NOX4: variants seen among roughly 807,000 people sequenced by gnomAD.
NOX4 encodes NADPH oxidase 4.
A neutral mutation model predicts 87.6 loss-of-function variants in NOX4; 69 were observed. That is an observed-to-expected ratio of 0.79 (90% CI 0.65 to 0.96). The LOEUF is 0.96. Among genes scored for constraint, NOX4 ranks in the 40% least tolerant of loss-of-function variants. NOX4 has a pLI of 0.00. For synonymous variants in NOX4, 275 were observed against 238.2 expected (o/e 1.15, Z -1.42); for missense variants, 680 against 681.5 (o/e 1.00, Z 0.02).
intron 17 of NOX4, among the ~76,000 whole-genome samples, chr11:89,332,649 T>C (rs34032286): frequency 0.013 from 2,031 of 151,904 alleles, 19 homozygotes; most frequent in Middle Eastern, 0.037. Context: ...CTACCTCCCA[T>C]CTAAGGGGAA....
chr11:89,367,153 C>A lies in NOX4; in HGVS notation c.1135+6279G>T, dbSNP rs575123716. 8.5e-5 allele frequency among the ~76,000 whole-genome samples: 13 copies of A among 152,194 alleles called. No individual in the cohort carries two copies. In the South Asian group the frequency reaches 2.7e-3, roughly 32 times the overall value. ...GATTTCCACATAGACTCACAAGAGG[C>A]CAGAACTACAGTGTTTCATTATACA... On this transcript the variant is annotated intron_variant, in intron 12 of 17. Coordinates refer to ENST00000263317, the MANE Select transcript of NOX4 (RefSeq NM_016931.5).
At chr11:89,342,236 G>A (rs58561872) in intron 13 of NOX4, 43 bp from the exon 14 acceptor site, 4 of 1,574,552 alleles carry the variant, frequency 2.5e-6, no homozygotes, top group Non-Finnish European at 3.5e-6. Context: ...ATGAAAATAA[G>A]TGAAATTAAT....
the NOX4 span, chr11:89,546,775 G>T: frequency 1.3e-5 from 2 of 152,064 alleles, no homozygotes; most frequent in Non-Finnish European, 2.9e-5. Flanking sequence ...TAATTTTTTT[G>T]TAAGGAACCC....
chr11:89,327,848 G>A (rs1430048569), intron 17 of NOX4, among the ~76,000 whole-genome samples: 1 of 150,576 alleles, frequency 6.6e-6, no homozygotes, highest in Non-Finnish European at 1.5e-5. Context: ...GCCATGATGG[G>A]GTAATAGGGA....
chr11:89,368,175 T>C (rs1284672759), intron 12 of NOX4, among the ~76,000 whole-genome samples: 5 of 152,012 alleles, frequency 3.3e-5, no homozygotes, highest in African/African-American at 4.8e-5. Context: ...CTTTAACTTA[T>C]ATCTTCTTCG....
intron 2 of NOX4, among the ~76,000 whole-genome samples, chr11:89,455,719 C>CATATAT (rs60864771): frequency 2.0e-3 from 288 of 141,058 alleles, no homozygotes; most frequent in East Asian, 5.5e-3. Context: ...AAGATGAAGT[C>CATATAT]ATATATATAT....
intron 2 of NOX4, among the ~76,000 whole-genome samples, chr11:89,456,990 T>C (rs1417962397): frequency 3.3e-5 from 5 of 152,198 alleles, no homozygotes; most frequent in East Asian, 1.9e-4. Context: ...TATATGTACC[T>C]GCTTGAAGCA....
At chr11:89,569,894 C>T in the NOX4 span, among the ~76,000 whole-genome samples, 1 of 150,834 alleles carries the variant, frequency 6.6e-6, no homozygotes. Flanking sequence ...TCCAGCTACT[C>T]GGGAGGCTGA....
intron 12 of NOX4, among the ~76,000 whole-genome samples, chr11:89,370,645 T>C (rs1375128388): frequency 6.6e-6 from 1 of 152,054 alleles, no homozygotes; most frequent in Non-Finnish European, 1.5e-5. Flanking sequence ...ACTTGGGTAA[T>C]CCACTCCATC....
rs1000300603 is a variant in NOX4, at chr11:89,325,734, A to G, written c.*1022T>C. 2.6e-5 allele frequency: 4 copies of G among 152,036 alleles called. No homozygotes were observed. The highest frequency in any genetic ancestry group is 5.9e-5 in the Non-Finnish European group (4 of 68,006). The allele number at this position is 152,036 out of a possible 1,614,324, so 9.4% of individuals were successfully genotyped here. On this transcript the variant is annotated 3_prime_UTR_variant, in exon 18 of 18. Transcript: ENST00000263317. The stretch of plus-strand genomic sequence containing the variant: ...GAGATAAATCTTATATTCAGTCCCT[A>G]CTGACACACATGATGTCCTTTGGTC...
upstream of NOX4, among the ~76,000 whole-genome samples, chr11:89,501,511 G>A (rs958836809): frequency 6.6e-6 from 1 of 151,998 alleles, no homozygotes; most frequent in Non-Finnish European, 1.5e-5. Flanking sequence ...TTTTGCTGTG[G>A]TTACTCCACA....
chr11:89,437,421 T>C (rs1243861592), intron 6 of NOX4, among the ~76,000 whole-genome samples: 1 of 152,178 alleles, frequency 6.6e-6, no homozygotes, highest in Non-Finnish European at 1.5e-5. Flanking sequence ...TACTTTGCAC[T>C]GTCACCTGCT....
chr11:89,568,939 G>A, the NOX4 span, among the ~76,000 whole-genome samples: 1 of 152,152 alleles, frequency 6.6e-6, no homozygotes, highest in Admixed American at 6.5e-5. Flanking sequence ...TTAATGAATG[G>A]TGCTGGGTAA....
At chr11:89,569,301 A>G in the NOX4 span, among the ~76,000 whole-genome samples, 2 of 152,164 alleles carry the variant, frequency 1.3e-5, no homozygotes, top group Non-Finnish European at 2.9e-5. Flanking sequence ...AATATTTGCA[A>G]ACTATGCATC....
chr11:89,506,232 A>AGAAG, the NOX4 span, among the ~76,000 whole-genome samples: 2 of 150,520 alleles, frequency 1.3e-5, no homozygotes, highest in Non-Finnish European at 1.5e-5. Context: ...AGAGAAAGAA[A>AGAAG]GAAAGAGAGA....
chr11:89,402,281 A>T (rs1217146237), intron 9 of NOX4, 45 bp downstream of exon 9: 1 of 1,420,528 alleles, frequency 7.0e-7, no homozygotes, highest in South Asian at 1.1e-5. Flanking sequence ...TGATCAGTCA[A>T]ATGGAAACAA....
intron 8 of NOX4, among the ~76,000 whole-genome samples, chr11:89,405,898 T>C (rs1942150806): frequency 6.6e-6 from 1 of 152,180 alleles, no homozygotes; most frequent in South Asian, 2.1e-4. Flanking sequence ...CCTTCCTCTG[T>C]ACCAGGCCTA....
At chr11:89,529,555 C>T in the NOX4 span, among the ~76,000 whole-genome samples, 1 of 152,166 alleles carries the variant, frequency 6.6e-6, no homozygotes, top group Non-Finnish European at 1.5e-5. Context: ...AAAAGACATA[C>T]ATATGATGTT....
At chr11:89,344,934 G>A (rs1219839000) in intron 13 of NOX4, among the ~76,000 whole-genome samples, 1 of 152,098 alleles carries the variant, frequency 6.6e-6, no homozygotes, top group Non-Finnish European at 1.5e-5. Flanking sequence ...AAGCTTCCAG[G>A]ACAATTATCA....
Sources: gnomAD v4.1 joint callset for allele counts (sites outside exome capture counted in the v4.1 genomes callset) on GRCh38, gnomAD v4.1.1 for gene constraint, MANE v1.5 for transcripts, NCBI Gene and HGNC (gene_info 2026-07-23, HGNC 2026-07-21) for gene names.